Variants in CLSTN2 observed in about 807,000 individuals in gnomAD.
The protein encoded by CLSTN2 is calsyntenin 2.
Under a neutral mutation model 101.2 loss-of-function variants are expected in CLSTN2, and 48 were observed. The observed-to-expected ratio is 0.47, with a 90% CI of 0.38 to 0.60. The LOEUF (loss-of-function observed/expected upper bound fraction) is 0.60. CLSTN2 is among the 20% of genes least tolerant of loss of function. CLSTN2 has a pLI of 0.00. For synonymous variants in CLSTN2, 481 were observed against 463.6 expected (o/e 1.04, Z -0.48); for missense variants, 1,160 against 1,238.2 (o/e 0.94, Z 0.95).
chr3:140,314,172 AC>A (rs1255828660), intron 2 of CLSTN2, among the ~76,000 whole-genome samples: 1 of 152,172 alleles, frequency 6.6e-6, no homozygotes, highest in Admixed American at 6.5e-5. Flanking sequence ...CAGTTGAGAA[AC>A]TAAATAACTA....
intron 8 of CLSTN2, among the ~76,000 whole-genome samples, chr3:140,497,513 G>A (rs540715497): frequency 1.8e-4 from 28 of 152,256 alleles, no homozygotes; most frequent in African/African-American, 6.5e-4. Flanking sequence ...CGCAGAAATG[G>A]CGGCCGCCCC....
chr3:140,471,394 C>T (rs1933844281), intron 8 of CLSTN2, among the ~76,000 whole-genome samples: 1 of 152,176 alleles, frequency 6.6e-6, no homozygotes, highest in Admixed American at 6.5e-5. Flanking sequence ...GCTTGAGTGA[C>T]AGCCTCAATT....
At chr3:140,299,881 T>C (rs1031487347) in intron 2 of CLSTN2, among the ~76,000 whole-genome samples, 2 of 152,228 alleles carry the variant, frequency 1.3e-5, no homozygotes, top group African/African-American at 4.8e-5. Context: ...ACGTTGGAGC[T>C]CTCAGTGAGG....
intron 2 of CLSTN2, among the ~76,000 whole-genome samples, chr3:140,268,169 A>T (rs1207369996): frequency 2.0e-5 from 3 of 152,096 alleles, no homozygotes; most frequent in Non-Finnish European, 2.9e-5. Context: ...AAGTGCACAG[A>T]TGACTCTGAG....
intron 1 of CLSTN2, among the ~76,000 whole-genome samples, chr3:140,156,684 A>C (rs1388412252): frequency 2.6e-5 from 4 of 152,208 alleles, no homozygotes; most frequent in Non-Finnish European, 5.9e-5. Flanking sequence ...CTCCTCTGAC[A>C]GTTGACTTTG....
At chr3:140,397,637 G>C (rs1299849732) in intron 2 of CLSTN2, among the ~76,000 whole-genome samples, 1 of 152,146 alleles carries the variant, frequency 6.6e-6, no homozygotes, top group African/African-American at 2.4e-5. Context: ...TGGCTGAAGA[G>C]GACAGGGATC....
intron 1 of CLSTN2, among the ~76,000 whole-genome samples, chr3:140,000,821 T>C (rs753551297): frequency 6.6e-6 from 1 of 152,202 alleles, no homozygotes; most frequent in Non-Finnish European, 1.5e-5. Flanking sequence ...TCTCTACTGT[T>C]GTCCAGGAGA....
At chr3:140,377,124 A>G (rs2107961757) in intron 2 of CLSTN2, among the ~76,000 whole-genome samples, 1 of 152,256 alleles carries the variant, frequency 6.6e-6, no homozygotes, top group East Asian at 1.9e-4. Flanking sequence ...AAAAGATTAT[A>G]ACGGAGTTAA....
intron 1 of CLSTN2, among the ~76,000 whole-genome samples, chr3:140,088,086 C>G (rs980969264): frequency 3.9e-5 from 6 of 152,146 alleles, no homozygotes; most frequent in Non-Finnish European, 8.8e-5. Context: ...TATGCCATGA[C>G]ATCTCTAACA....
At chr3:140,241,660 G>A (rs982718978) in intron 2 of CLSTN2, among the ~76,000 whole-genome samples, 1 of 151,880 alleles carries the variant, frequency 6.6e-6, no homozygotes, top group African/African-American at 2.4e-5. Context: ...GGATTGTGCT[G>A]GAGGCTGGGG....
At chr3:140,537,608 A>G (rs1270365255) in intron 9 of CLSTN2, among the ~76,000 whole-genome samples, 1 of 152,186 alleles carries the variant, frequency 6.6e-6, no homozygotes, top group African/African-American at 2.4e-5. Context: ...ACCCTCTCCC[A>G]TGGCTGAGCT....
intron 2 of CLSTN2, among the ~76,000 whole-genome samples, chr3:140,221,327 T>A (rs1222005468): frequency 6.6e-6 from 1 of 152,192 alleles, no homozygotes; most frequent in African/African-American, 2.4e-5. Flanking sequence ...GATGTGGAAA[T>A]AATATTTTTG....
At chr3:140,089,068 G>C (rs2008726497) in intron 1 of CLSTN2, among the ~76,000 whole-genome samples, 1 of 152,188 alleles carries the variant, frequency 6.6e-6, no homozygotes, top group Non-Finnish European at 1.5e-5. Flanking sequence ...AACACATTGA[G>C]TCTTTTGGTC....
chr3:140,013,482 C>G (rs796698553), intron 1 of CLSTN2, among the ~76,000 whole-genome samples: 3 of 152,288 alleles, frequency 2.0e-5, no homozygotes, highest in African/African-American at 7.2e-5. Flanking sequence ...TGCGTGGAGA[C>G]AGGGACACAT....
chr3:140,399,542 G>A (rs1264047667), intron 2 of CLSTN2, among the ~76,000 whole-genome samples: 4 of 152,096 alleles, frequency 2.6e-5, no homozygotes, highest in Non-Finnish European at 5.9e-5. Flanking sequence ...ATTATGCAAT[G>A]TCCATTTTTA....
intron 4 of CLSTN2, among the ~76,000 whole-genome samples, chr3:140,415,678 A>G (rs2088425003): frequency 6.6e-6 from 1 of 152,144 alleles, no homozygotes; most frequent in Non-Finnish European, 1.5e-5. Flanking sequence ...TAGGATGACT[A>G]CTGTCAAAAA....
At chr3:140,321,892 AAGG>A (rs1242716250) in intron 2 of CLSTN2, among the ~76,000 whole-genome samples, 1 of 152,208 alleles carries the variant, frequency 6.6e-6, no homozygotes, top group Non-Finnish European at 1.5e-5. Flanking sequence ...GCTCGTAGGA[AAGG>A]AGGACTGAAG....
intron 2 of CLSTN2, among the ~76,000 whole-genome samples, chr3:140,240,174 C>CTCTCTATATATATA (rs1311225528): frequency 7.5e-5 from 1 of 13,350 alleles, no homozygotes; most frequent in Non-Finnish European, 3.5e-4. Flanking sequence ...CTCTCTCTCT[C>CTCTCTATATATATA]TATATATATA....
chr3:140,193,558 AT>A (rs954004781), intron 2 of CLSTN2, among the ~76,000 whole-genome samples: 1 of 151,848 alleles, frequency 6.6e-6, no homozygotes, highest in Non-Finnish European at 1.5e-5. Context: ...GTAAGGTACC[AT>A]TCTGGTTGAT....
Sources: allele counts gnomAD v4.1 joint callset (sites outside exome capture counted in the v4.1 genomes callset), GRCh38; gene constraint gnomAD v4.1.1; transcripts MANE v1.5; gene names NCBI Gene and HGNC (gene_info 2026-07-23, HGNC 2026-07-21).